ERCC6L2: variants seen among roughly 807,000 people sequenced by gnomAD.
The protein encoded by ERCC6L2 is ERCC excision repair 6 like 2, also known as DNA excision repair protein ERCC-6-like 2.
In ERCC6L2, 77 loss-of-function variants were observed where a neutral mutation model predicts 132.0. The ratio of observed to expected loss-of-function variants is 0.58; its 90% CI spans 0.49 to 0.71. The LOEUF is 0.71. ERCC6L2 is among the 30% of genes least tolerant of loss of function. The probability of loss-of-function intolerance (pLI) is 0.00; values close to 1 mark genes in which losing one functional copy is unlikely to be tolerated. For missense variants in ERCC6L2, 1,542 were observed against 1,837.6 expected (o/e 0.84, Z 2.94); for synonymous variants, 583 against 632.4 (o/e 0.92, Z 1.17).
intron 13 of ERCC6L2, among the ~76,000 whole-genome samples, chr9:95,959,906 G>T (rs1366438032): frequency 6.6e-6 from 1 of 152,050 alleles, no homozygotes; most frequent in Non-Finnish European, 1.5e-5. Context: ...TACTGAAAAG[G>T]TAGGTGCAGC....
Position 95,995,568 on chromosome 9 carries a change from T to C in ERCC6L2, c.3493-8952T>C, listed in dbSNP as rs77936605. Among the ~76,000 whole-genome samples the C allele has an allele frequency of 9.8e-5, 15 of 152,338 alleles. No individual in the cohort carries two copies. In the East Asian group the frequency reaches 2.9e-3, roughly 29 times the overall value. On this transcript the variant is annotated intron_variant, in intron 17 of 18. Coordinates refer to ENST00000653738, the MANE Select transcript of ERCC6L2 (RefSeq NM_020207.7). ...ATAGGCATTCCTTGTTTTAGTGTAC[T>C]TCATTTGATTGCACTTTGTAGATAA...
intron 16 of ERCC6L2, among the ~76,000 whole-genome samples, chr9:95,977,544 A>G (rs902197666): frequency 2.0e-5 from 3 of 152,168 alleles, no homozygotes; most frequent in African/African-American, 7.2e-5. Flanking sequence ...TTCATTTCCT[A>G]AAAAGCTCTC....
chr9:95,933,754 G>A (rs558456924), intron 11 of ERCC6L2, among the ~76,000 whole-genome samples: 1 of 150,614 alleles, frequency 6.6e-6, no homozygotes, highest in Non-Finnish European at 1.5e-5. Context: ...TGAGACGGGA[G>A]AATTGTTTGA....
chr9:95,903,284 A>G (rs1345437482), intron 3 of ERCC6L2, among the ~76,000 whole-genome samples: 1 of 152,024 alleles, frequency 6.6e-6, no homozygotes, highest in Admixed American at 6.6e-5. Flanking sequence ...CTATTTCTAG[A>G]CGTATTATTC....
intron 19 of ERCC6L2, among the ~76,000 whole-genome samples, chr9:96,024,117 A>G (rs765984372): frequency 8.5e-5 from 13 of 152,244 alleles, no homozygotes; most frequent in Non-Finnish European, 1.5e-4. Flanking sequence ...GACCACCTCT[A>G]AAAGTTGCTA....
At chr9:95,882,123 TC>T (rs1804539003) in intron 2 of ERCC6L2, among the ~76,000 whole-genome samples, 1 of 152,174 alleles carries the variant, frequency 6.6e-6, no homozygotes, top group Non-Finnish European at 1.5e-5. Context: ...ATGGACCTCT[TC>T]ATGGGGCATC....
chr9:95,960,325 G>T (rs116703996), intron 13 of ERCC6L2, among the ~76,000 whole-genome samples: 2,722 of 152,200 alleles, frequency 0.018, 88 homozygotes, highest in African/African-American at 0.061. Flanking sequence ...TTTGAAAAAG[G>T]CACTATAGCG....
chr9:95,930,859 A>G (rs1221214796), intron 11 of ERCC6L2, among the ~76,000 whole-genome samples: 1 of 152,010 alleles, frequency 6.6e-6, no homozygotes, highest in African/African-American at 2.4e-5. Context: ...GCACACACCC[A>G]CCCACCCTTC....
intron 15 of ERCC6L2, among the ~76,000 whole-genome samples, chr9:95,971,318 C>T (rs183730353): frequency 7.2e-5 from 11 of 151,882 alleles, no homozygotes; most frequent in East Asian, 3.9e-4. Context: ...TAATACTTTC[C>T]GCAATATTTT....
Position 95,875,892 on chromosome 9 carries a change from T to C in ERCC6L2, c.-147T>C, listed in dbSNP as rs2132481278. 1 of 797,472 alleles carries C rather than the reference T, an allele frequency of 1.3e-6. No homozygotes were observed. The highest frequency in any genetic ancestry group is 1.6e-5 in the South Asian group (1 of 61,256). The allele number at this position is 797,472 out of a possible 1,614,324, so 49.4% of individuals were successfully genotyped here. A position where few individuals can be genotyped will look rare whatever the true frequency, so the allele number is the denominator to read the frequency against. ...TTGCTGGGATCCCCCTCCTCCATCC[T>C]GTGGCTTCGGGTTGCCGAAGAGCGA... On this transcript the variant is annotated 5_prime_UTR_variant, in exon 1 of 19. Transcript: ENST00000653738.
chr9:96,039,027 C>A (rs1834549866), exon 20 of ERCC6L2: 2 of 431,600 alleles, frequency 4.6e-6, no homozygotes, highest in Non-Finnish European at 9.3e-6. Flanking sequence ...ACAGCTCCCC[C>A]AGCCCCAACA....
At chr9:95,901,834 A>G (rs892841642) in intron 3 of ERCC6L2, among the ~76,000 whole-genome samples, 4 of 152,262 alleles carry the variant, frequency 2.6e-5, no homozygotes, top group African/African-American at 4.8e-5. Flanking sequence ...GTGACATTCT[A>G]CAGTATTTCC....
intron 17 of ERCC6L2, among the ~76,000 whole-genome samples, chr9:95,986,201 G>A (rs1392299557): frequency 1.3e-5 from 2 of 152,130 alleles, no homozygotes; most frequent in Non-Finnish European, 2.9e-5. Flanking sequence ...TGTACAACAT[G>A]CTTTTGAGTG....
chr9:96,033,783 T>C (rs1387086359), intron 19 of ERCC6L2, among the ~76,000 whole-genome samples: 1 of 152,136 alleles, frequency 6.6e-6, no homozygotes, highest in African/African-American at 2.4e-5. Context: ...AAACAACTTA[T>C]TTAGGGGGTT....
At position 95,928,948 on chromosome 9, in the gene ERCC6L2, A is replaced by AT. The variant is rs1234918349; in HGVS notation, c.1751+89dup. On this transcript the variant is annotated intron_variant, in intron 11 of 18. Transcript: ENST00000653738. Reference sequence around the variant, plus strand: ...AATTTTTAAAACTATTACTGGATTAATTTTTAATGGCTATGCTTATTTAGA... The same window carrying AT: ...AATTTTTAAAACTATTACTGGATTAATTTTTTAATGGCTATGCTTATTTAGA... 10 of 1,036,644 alleles carry AT rather than the reference A, an allele frequency of 9.6e-6. No individual in the cohort carries two copies. The African/African-American group carries it at 1.7e-4, about 18-fold the overall frequency. 64.2% of individuals were successfully genotyped at this position (1,036,644 alleles called of 1,614,324 possible).
At chr9:95,986,676 T>C (rs1482756733) in intron 17 of ERCC6L2, among the ~76,000 whole-genome samples, 1 of 152,054 alleles carries the variant, frequency 6.6e-6, no homozygotes, top group Non-Finnish European at 1.5e-5. Flanking sequence ...TTTGTATTTT[T>C]AGTAGAGACG....
At chr9:95,945,278 A>G (rs1333561325) in intron 12 of ERCC6L2, among the ~76,000 whole-genome samples, 1 of 152,216 alleles carries the variant, frequency 6.6e-6, no homozygotes, top group Non-Finnish European at 1.5e-5. Flanking sequence ...GAAGAGAAAT[A>G]TGGCTCTGTT....
rs1343040482 is a variant in ERCC6L2 at position 95,972,011 on chromosome 9, T to C, written c.2260T>C (p.Cys754Arg). 7.7e-7 allele frequency: 1 copy of C among 1,304,216 alleles called. No homozygotes were observed. The highest frequency in any genetic ancestry group is 5.5e-5 in the East Asian group (1 of 18,028). The allele number at this position is 1,304,216 out of a possible 1,614,324, so 80.8% of individuals were successfully genotyped here. The change falls in exon 16 of 19, where the codon TGC (cysteine) becomes CGC (arginine). Residue 754 changes from cysteine (C) to arginine (R), a missense_variant. Physicochemically the swap from Cys to Arg is radical, Grantham distance 180. This residue lies in a region of ERCC6L2 where 945 missense variants were observed against 1,105.2 expected (regional missense o/e 0.86). Coordinates refer to ENST00000653738, the MANE Select transcript of ERCC6L2 (RefSeq NM_020207.7). The part of the protein sequence containing the change: ...EPLAKEACDL[C>R]SDFSDEEPVG... ...ACTGGCAAAGGAAGCATGTGATCTCTGCAGTGACTTCAGTGATGAAGAGCC... is the reference window on the plus strand; with the variant it reads ...ACTGGCAAAGGAAGCATGTGATCTCCGCAGTGACTTCAGTGATGAAGAGCC...
intron 6 of ERCC6L2, among the ~76,000 whole-genome samples, chr9:95,919,014 G>A (rs898347219): frequency 1.6e-4 from 25 of 151,990 alleles, no homozygotes; most frequent in Non-Finnish European, 3.1e-4. Context: ...GACTACAGGC[G>A]CACGCCACCA....
Sources: gnomAD v4.1 joint callset for allele counts (sites outside exome capture counted in the v4.1 genomes callset) on GRCh38, gnomAD v4.1.1 for gene constraint, gnomAD v4.1.1 regional missense constraint, MANE v1.5 for transcripts, NCBI Gene and HGNC (gene_info 2026-07-23, HGNC 2026-07-21) for gene names.